The following PIAS2 variants were observed in gnomAD, a reference collection of about 807,000 sequenced individuals.
The protein encoded by PIAS2 is E3 SUMO-protein ligase PIAS2.
PIAS2 carries 19 observed loss-of-function variants against 69.7 expected under a neutral mutation model. That is an observed-to-expected ratio of 0.27 (90% CI 0.19 to 0.40). PIAS2 has a LOEUF of 0.40. Ranked by LOEUF, PIAS2 falls within the 10% of genes least tolerant of loss-of-function variation. The pLI, the probability that PIAS2 is intolerant of heterozygous loss-of-function variation, is 1.00. For synonymous variants in PIAS2, 261 were observed against 263.2 expected (o/e 0.99, Z 0.08); for missense variants, 624 against 757.0 (o/e 0.82, Z 2.06).
intron 10 of PIAS2, 80 bp from the exon 11 acceptor site, chr18:46,828,210 A>T: frequency 8.0e-7 from 1 of 1,250,816 alleles, no homozygotes; most frequent in Non-Finnish European, 1.1e-6. Context: ...TAGTATATTC[A>T]GTATAGTATG....
At chr18:46,839,047 T>C (rs1489991977) in intron 8 of PIAS2, among the ~76,000 whole-genome samples, 1 of 152,240 alleles carries the variant, frequency 6.6e-6, no homozygotes, top group Admixed American at 6.5e-5. Context: ...ATTTTCATAT[T>C]ATCCTTTTTA....
At chr18:46,864,319 C>T in intron 2 of PIAS2, 71 bp from the exon 3 acceptor site, 7 of 1,016,116 alleles carry the variant, frequency 6.9e-6, no homozygotes, top group Non-Finnish European at 1.0e-5. Context: ...CTGCAATAAC[C>T]AGGCATTTTT....
chr18:46,859,331 G>C (rs886891745), intron 3 of PIAS2, among the ~76,000 whole-genome samples: 1 of 151,422 alleles, frequency 6.6e-6, no homozygotes, highest in East Asian at 1.9e-4. Flanking sequence ...AGGAGGCTGC[G>C]GCAGGAGAAT....
At chr18:46,878,819 G>C (rs1684405376) in intron 2 of PIAS2, among the ~76,000 whole-genome samples, 2 of 152,206 alleles carry the variant, frequency 1.3e-5, no homozygotes, top group African/African-American at 4.8e-5. Flanking sequence ...AGTGAGCGGA[G>C]ATCACACCAC....
intron 3 of PIAS2, among the ~76,000 whole-genome samples, chr18:46,858,524 C>T (rs964038553): frequency 1.3e-5 from 2 of 152,070 alleles, no homozygotes; most frequent in African/African-American, 4.8e-5. Context: ...CAGCAAGACC[C>T]CATCTATGCA....
Position 46,864,251 on chromosome 18 carries a change from G to A in PIAS2, c.500-3C>T, listed in dbSNP as rs1246534711. 1.9e-6 allele frequency: 3 copies of A among 1,555,228 alleles called. No individual in the cohort carries two copies. The highest frequency in any genetic ancestry group is 1.2e-5 in the South Asian group (1 of 83,268). ...AAATCGCTGAATACTGCTTTGAACT[G>A]GGAAGAAAAAAAAAAAGAAAGATAA... On this transcript the variant is annotated splice_polypyrimidine_tract_variant and splice_region_variant and intron_variant, in intron 2 of 13. Coordinates refer to ENST00000585916, the MANE Select transcript of PIAS2 (RefSeq NM_004671.5).
chr18:46,823,486 G>A (rs2042422549), intron 11 of PIAS2, among the ~76,000 whole-genome samples: 1 of 152,012 alleles, frequency 6.6e-6, no homozygotes, highest in Admixed American at 6.6e-5. Context: ...TCTATAAAAG[G>A]AGTCAAGTGA....
intron 2 of PIAS2, among the ~76,000 whole-genome samples, chr18:46,875,297 T>C (rs969837516): frequency 6.6e-6 from 1 of 152,158 alleles, no homozygotes; most frequent in African/African-American, 2.4e-5. Flanking sequence ...CCACCCAATA[T>C]GGAGGATGGA....
At position 46,807,273 on chromosome 18, in the gene PIAS2, T is replaced by C. The variant is rs1240772871; in HGVS notation, c.*5160A>G. 2 of 145,954 alleles carry C rather than the reference T, an allele frequency of 1.4e-5. No individual in the cohort carries two copies. The highest frequency in any genetic ancestry group is 1.4e-4 in the Admixed American group (2 of 14,592). The allele number at this position is 145,954 out of a possible 1,614,324, so 9.0% of individuals were successfully genotyped here. On this transcript the variant is annotated 3_prime_UTR_variant, in exon 14 of 14. Transcript: ENST00000585916. ...GGAAAACGTAGTCTGACAAAGAATA[T>C]TTGTGCAACTTTACAGTGCCAGTAA... is the stretch of plus-strand genomic sequence containing the variant.
intron 3 of PIAS2, among the ~76,000 whole-genome samples, chr18:46,860,700 C>G (rs1358879804): frequency 6.6e-6 from 1 of 152,172 alleles, no homozygotes; most frequent in Non-Finnish European, 1.5e-5. Flanking sequence ...TGCTGGCTCA[C>G]ATCTGTAAAG....
At chr18:46,826,155 A>G (rs944513401) in intron 11 of PIAS2, among the ~76,000 whole-genome samples, 2 of 152,196 alleles carry the variant, frequency 1.3e-5, no homozygotes, top group African/African-American at 2.4e-5. Context: ...ACAAATTTCT[A>G]TCTTATACTT....
chr18:46,919,974 C>T (rs980496351), upstream of PIAS2: 3 of 888,718 alleles, frequency 3.4e-6, no homozygotes, highest in Admixed American at 4.7e-5. Flanking sequence ...TACAGCCCTG[C>T]CACAGAGGAG....
chr18:46,891,121 A>G, intron 1 of PIAS2, 67 bp from the exon 2 acceptor site: 1 of 1,131,242 alleles, frequency 8.8e-7, no homozygotes, highest in African/African-American at 1.6e-5. Context: ...TATCTAAAAT[A>G]TAATGTAAAA....
intron 1 of PIAS2, among the ~76,000 whole-genome samples, chr18:46,894,264 C>T (rs1298065181): frequency 6.6e-6 from 1 of 152,134 alleles, no homozygotes; most frequent in African/African-American, 2.4e-5. Context: ...AGGAGTAATA[C>T]CTATTTTTTC....
At chr18:46,841,350 A>G (rs1459277900) in intron 8 of PIAS2, among the ~76,000 whole-genome samples, 2 of 152,190 alleles carry the variant, frequency 1.3e-5, no homozygotes, top group Non-Finnish European at 2.9e-5. Flanking sequence ...TTTTTGCCAA[A>G]TAACCCAGGG....
intron 11 of PIAS2, among the ~76,000 whole-genome samples, chr18:46,824,098 G>A (rs72907130): frequency 0.046 from 7,061 of 152,240 alleles, 193 homozygotes; most frequent in Non-Finnish European, 0.065. Flanking sequence ...TATTTTAAAC[G>A]TTTGTAACTT....
intron 8 of PIAS2, among the ~76,000 whole-genome samples, chr18:46,836,830 C>T (rs1366352339): frequency 6.6e-6 from 1 of 152,178 alleles, no homozygotes; most frequent in Non-Finnish European, 1.5e-5. Flanking sequence ...TTATCCATCT[C>T]TTGCATGTCC....
At chr18:46,815,037 T>C (rs1317948152) in intron 13 of PIAS2, among the ~76,000 whole-genome samples, 1 of 152,218 alleles carries the variant, frequency 6.6e-6, no homozygotes, top group Non-Finnish European at 1.5e-5. Flanking sequence ...ACTGCTTCTA[T>C]TCATTCTAAT....
At chr18:46,878,927 G>A (rs189175992) in intron 2 of PIAS2, among the ~76,000 whole-genome samples, 5 of 152,260 alleles carry the variant, frequency 3.3e-5, no homozygotes, top group Admixed American at 2.6e-4. Flanking sequence ...GGTTAACAGG[G>A]GCTCATACTA....
Sources: allele counts gnomAD v4.1 joint callset (sites outside exome capture counted in the v4.1 genomes callset), GRCh38; gene constraint gnomAD v4.1.1; transcripts MANE v1.5; gene names NCBI Gene and HGNC (gene_info 2026-07-23, HGNC 2026-07-21).